The following LAMA2 variants were observed in gnomAD, a reference collection of about 807,000 sequenced individuals.
The protein encoded by LAMA2 is laminin subunit alpha 2.
In LAMA2, 269 loss-of-function variants were observed where a neutral mutation model predicts 364.8. That is an observed-to-expected ratio of 0.74 (90% CI 0.67 to 0.82). The LOEUF is 0.82. Among genes scored for constraint, LAMA2 ranks in the 40% least tolerant of loss-of-function variants. The pLI is 0.00. For missense variants in LAMA2, 3,807 were observed against 3,873.2 expected, an observed-to-expected ratio of 0.98 and a Z score of 0.45; for synonymous variants, 1,379 against 1,370.6, an observed-to-expected ratio of 1.01 and a Z score of -0.14.
chr6:129,254,512 A>G (rs1786494713), intron 14 of LAMA2, among the ~76,000 whole-genome samples: 1 of 152,170 alleles, frequency 6.6e-6, no homozygotes, highest in African/African-American at 2.4e-5. Flanking sequence ...AATATGAAGC[A>G]TTTCTATCTT....
At chr6:129,168,008 GTTGT>G (rs1325411993) in intron 9 of LAMA2, among the ~76,000 whole-genome samples, 1 of 150,810 alleles carries the variant, frequency 6.6e-6, no homozygotes, top group African/African-American at 2.5e-5. Flanking sequence ...TGTTGATGGG[GTTGT>G]TTGTTTTTTT....
At chr6:129,133,834 C>T (rs1275170888) in intron 4 of LAMA2, among the ~76,000 whole-genome samples, 1 of 151,898 alleles carries the variant, frequency 6.6e-6, no homozygotes, top group Non-Finnish European at 1.5e-5. Context: ...CATTTGTGTA[C>T]TCGTAAAATA....
intron 3 of LAMA2, among the ~76,000 whole-genome samples, chr6:129,078,771 C>G (rs1041540099): frequency 6.6e-6 from 1 of 152,138 alleles, no homozygotes; most frequent in African/African-American, 2.4e-5. Context: ...ATTTGAAATA[C>G]TGCACCCATT....
chr6:129,155,745 G>A (rs369565164), intron 8 of LAMA2, among the ~76,000 whole-genome samples: 13 of 151,988 alleles, frequency 8.6e-5, no homozygotes, highest in South Asian at 8.3e-4. Flanking sequence ...TTCCCTCTGC[G>A]TGCTAATACC....
chr6:129,427,412 GCAT>G (rs1781375600), intron 40 of LAMA2, among the ~76,000 whole-genome samples: 1 of 152,126 alleles, frequency 6.6e-6, no homozygotes, highest in South Asian at 2.1e-4. Flanking sequence ...CAGTTATCAT[GCAT>G]CGAGTCACTT....
chr6:129,412,943 A>T (rs1229685405), intron 40 of LAMA2, among the ~76,000 whole-genome samples: 4 of 152,220 alleles, frequency 2.6e-5, no homozygotes, highest in Admixed American at 6.5e-5. Flanking sequence ...ATGAGCACTA[A>T]CTATCTCTGC....
At chr6:129,272,904 T>G (rs1364118387) in intron 17 of LAMA2, among the ~76,000 whole-genome samples, 1 of 152,042 alleles carries the variant, frequency 6.6e-6, no homozygotes, top group Non-Finnish European at 1.5e-5. Context: ...TATCCCAAAC[T>G]CCTCCCCTGC....
At chr6:129,509,102 A>C (rs1786352242) in intron 62 of LAMA2, among the ~76,000 whole-genome samples, 1 of 152,190 alleles carries the variant, frequency 6.6e-6, no homozygotes, top group Admixed American at 6.6e-5. Context: ...TCTGATGATC[A>C]GTGATGTTGA....
At chr6:129,281,566 A>G (rs886555834) in intron 18 of LAMA2, among the ~76,000 whole-genome samples, 5 of 152,178 alleles carry the variant, frequency 3.3e-5, no homozygotes, top group Admixed American at 2.0e-4. Context: ...AAGGCTAGAC[A>G]TTGGATATAA....
At chr6:129,235,235 GA>G (rs1784910788) in intron 12 of LAMA2, among the ~76,000 whole-genome samples, 1 of 152,098 alleles carries the variant, frequency 6.6e-6, no homozygotes, top group African/African-American at 2.4e-5. Flanking sequence ...TGGACAAAAA[GA>G]ATAGGCTCTT....
chr6:129,452,526 G>A (rs1408962007), intron 45 of LAMA2, among the ~76,000 whole-genome samples: 1 of 152,074 alleles, frequency 6.6e-6, no homozygotes, highest in African/African-American at 2.4e-5. Context: ...TAAGAGTATA[G>A]GAGGGTTGGT....
At chr6:129,055,599 A>G (rs954813226) in intron 2 of LAMA2, among the ~76,000 whole-genome samples, 1 of 152,224 alleles carries the variant, frequency 6.6e-6, no homozygotes, top group South Asian at 2.1e-4. Context: ...AAATCTAGCA[A>G]TCAACTGCAT....
At position 129,486,613 on chromosome 6, in the gene LAMA2, G is replaced by A. The variant is rs774656522; in HGVS notation, c.7889G>A (p.Arg2630Gln). 6 of 1,613,606 alleles carry A rather than the reference G, an allele frequency of 3.7e-6. No individual in the cohort carries two copies. Among genetic ancestry groups the A allele is most frequent in the East Asian group, 4.5e-5 (2 of 44,840 alleles). Residue 2630 changes from arginine to glutamine, a missense_variant, in exon 56 of 65, where the codon CGA becomes CAA. Coordinates refer to ENST00000421865, the MANE Select transcript of LAMA2 (RefSeq NM_000426.4). ...AGAGAACATTCCGTTCATGTAGAGCGAACTAGAGGGTAACAATAGCACTAA... is the reference window on the plus strand; with the variant it reads ...AGAGAACATTCCGTTCATGTAGAGCAAACTAGAGGGTAACAATAGCACTAA... ...DGREHSVHVE[R>Q]TRGIFTVQVD...
At chr6:129,375,460 C>T (rs898022693) in intron 34 of LAMA2, among the ~76,000 whole-genome samples, 2 of 152,186 alleles carry the variant, frequency 1.3e-5, no homozygotes, top group African/African-American at 4.8e-5. Context: ...TCCCAGCCCA[C>T]TACTGAAACT....
intron 1 of LAMA2, among the ~76,000 whole-genome samples, chr6:128,956,953 C>G (rs1265072709): frequency 6.6e-6 from 1 of 152,016 alleles, no homozygotes; most frequent in African/African-American, 2.4e-5. Flanking sequence ...CAGTGCAATT[C>G]TTTCATAAAT....
chr6:129,339,197 C>G (rs1776120925), intron 29 of LAMA2, among the ~76,000 whole-genome samples: 1 of 152,120 alleles, frequency 6.6e-6, no homozygotes, highest in African/African-American at 2.4e-5. Flanking sequence ...TAAAATATGA[C>G]AGTGGCCAGA....
intron 12 of LAMA2, among the ~76,000 whole-genome samples, chr6:129,196,456 T>C (rs1462664914): frequency 6.6e-6 from 1 of 152,200 alleles, no homozygotes; most frequent in African/African-American, 2.4e-5. Context: ...GAAATTGTTT[T>C]TTTTAGGTTG....
At position 129,084,295 on chromosome 6, in the gene LAMA2, A is replaced by G. The variant is rs997488090; in HGVS notation, c.397-13878A>G. Among the ~76,000 whole-genome samples the G allele has an allele frequency of 2.6e-5, 4 of 152,262 alleles. No individual in the cohort carries two copies. The South Asian group carries it at 8.3e-4, about 32-fold the overall frequency. ...ATGTTCTCTTTTCAACCTCCTAAAA[A>G]GATTACTGAGAATGTAGATATTTAA... On this transcript the variant is annotated intron_variant, in intron 3 of 64. Coordinates refer to ENST00000421865, the MANE Select transcript of LAMA2 (RefSeq NM_000426.4).
intron 63 of LAMA2, 129 bp downstream of exon 63, chr6:129,512,622 G>C (rs138611498): frequency 1.9e-6 from 2 of 1,049,552 alleles, no homozygotes; most frequent in African/African-American, 3.1e-5. Context: ...AAGCTAAATT[G>C]TATGTTTTCA....
Sources: gnomAD v4.1 joint callset for allele counts (sites outside exome capture counted in the v4.1 genomes callset) on GRCh38, gnomAD v4.1.1 for gene constraint, MANE v1.5 for transcripts, NCBI Gene and HGNC (gene_info 2026-07-23, HGNC 2026-07-21) for gene names.